Variants in NRXN3 observed in about 807,000 individuals in gnomAD.
NRXN3 encodes the protein neurexin III.
NRXN3 carries 32 observed loss-of-function variants against 137.6 expected under a neutral mutation model. The ratio of observed to expected loss-of-function variants is 0.23; its 90% CI spans 0.18 to 0.31. NRXN3 has a LOEUF of 0.31. NRXN3 is among the 10% of genes least tolerant of loss of function. The probability of loss-of-function intolerance (pLI) is 1.00; values close to 1 mark genes in which losing one functional copy is unlikely to be tolerated. For missense variants in NRXN3, 1,574 were observed against 2,062.5 expected, an observed-to-expected ratio of 0.76 and a Z score of 4.59; for synonymous variants, 798 against 784.5, an observed-to-expected ratio of 1.02 and a Z score of -0.29.
intron 16 of NRXN3, among the ~76,000 whole-genome samples, chr14:79,569,414 G>C (rs774926809): frequency 6.6e-5 from 10 of 152,040 alleles, no homozygotes; most frequent in African/African-American, 9.7e-5. Flanking sequence ...TGCCTCCCCT[G>C]ATTTACTGCA....
chr14:79,090,269 A>G (rs971049397), intron 15 of NRXN3, among the ~76,000 whole-genome samples: 29 of 152,164 alleles, frequency 1.9e-4, no homozygotes, highest in African/African-American at 6.8e-4. Context: ...CATAGGGATT[A>G]TTAAAGTCTC....
intron 4 of NRXN3, among the ~76,000 whole-genome samples, chr14:78,542,134 C>A (rs2096595854): frequency 6.6e-6 from 1 of 152,182 alleles, no homozygotes; most frequent in Non-Finnish European, 1.5e-5. Context: ...GGGTCAGGGA[C>A]CAACTTGAGG....
intron 15 of NRXN3, among the ~76,000 whole-genome samples, chr14:79,125,791 T>C (rs1475313339): frequency 2.0e-5 from 3 of 152,136 alleles, no homozygotes; most frequent in African/African-American, 4.8e-5. Flanking sequence ...TCCTCTTTTT[T>C]TGCTCGTCTT....
chr14:78,898,385 T>G (rs913475752), intron 10 of NRXN3, among the ~76,000 whole-genome samples: 1 of 151,908 alleles, frequency 6.6e-6, no homozygotes, highest in African/African-American at 2.4e-5. Context: ...AACTTACAAC[T>G]CCAGCAATGG....
At position 78,236,963 on chromosome 14, in the gene NRXN3, A is replaced by C. The variant is rs151231918; in HGVS notation, c.-703-5428A>C. On this transcript the variant is annotated intron_variant, in intron 1 of 20. Transcript: ENST00000335750. Reference sequence around the variant, plus strand: ...TAAGATAGATAGTGCTGACTATGTGAGCTTGCCCTAATGGTGTGGTGTCTG... The same window carrying C: ...TAAGATAGATAGTGCTGACTATGTGCGCTTGCCCTAATGGTGTGGTGTCTG... 3.9e-5 allele frequency among the ~76,000 whole-genome samples: 6 copies of C among 152,310 alleles called. No homozygotes were observed. The East Asian group carries it at 1.2e-3, about 29-fold the overall frequency.
chr14:79,239,514 GA>G (rs1317023362), intron 15 of NRXN3, among the ~76,000 whole-genome samples: 1 of 152,068 alleles, frequency 6.6e-6, no homozygotes, highest in Non-Finnish European at 1.5e-5. Flanking sequence ...AAAAAGTAGA[GA>G]AGAGGTAACA....
At chr14:78,256,743 A>G (rs989602103) in intron 2 of NRXN3, among the ~76,000 whole-genome samples, 12 of 152,250 alleles carry the variant, frequency 7.9e-5, no homozygotes, top group Non-Finnish European at 1.3e-4. Flanking sequence ...CAATGCATTG[A>G]TAACTCATAT....
chr14:78,894,612 G>A lies in NRXN3; in HGVS notation c.2276-62630G>A, dbSNP rs143054732. On this transcript the variant is annotated intron_variant, in intron 10 of 20. Transcript: ENST00000335750. ...ATTTCAAACTTCTCCCATGAATCAC[G>A]AATGTTCTTTATGGCATTTACAATG... is the stretch of plus-strand genomic sequence containing the variant. 3.1e-3 allele frequency among the ~76,000 whole-genome samples: 466 copies of A among 151,914 alleles called. 1 individual carries two copies. The highest frequency in any genetic ancestry group is 0.01 in the African/African-American group (423 of 41,460).
At chr14:79,204,825 C>A (rs992067072) in intron 15 of NRXN3, among the ~76,000 whole-genome samples, 2 of 152,146 alleles carry the variant, frequency 1.3e-5, no homozygotes, top group Non-Finnish European at 2.9e-5. Context: ...TTCTAGCTGT[C>A]TCCTTAGAAA....
intron 4 of NRXN3, among the ~76,000 whole-genome samples, chr14:78,580,191 C>A (rs2096979314): frequency 6.6e-6 from 1 of 152,038 alleles, no homozygotes. Flanking sequence ...AGCAAGGGAG[C>A]CATTGGTACT....
At chr14:79,756,468 G>A (rs1466650863) in intron 19 of NRXN3, among the ~76,000 whole-genome samples, 6 of 152,064 alleles carry the variant, frequency 3.9e-5, no homozygotes, top group Non-Finnish European at 7.4e-5. Context: ...AATTGAATAT[G>A]GATATGAAAC....
intron 16 of NRXN3, among the ~76,000 whole-genome samples, chr14:79,486,193 A>G (rs1014644598): frequency 1.3e-5 from 2 of 152,148 alleles, no homozygotes; most frequent in African/African-American, 2.4e-5. Context: ...TAGTAAATTG[A>G]GTAACAGCCT....
chr14:79,401,199 G>T (rs537494416), intron 15 of NRXN3, among the ~76,000 whole-genome samples: 14 of 152,112 alleles, frequency 9.2e-5, no homozygotes, highest in Non-Finnish European at 1.5e-4. Context: ...TTTTGGATTT[G>T]AATGACTTTA....
intron 4 of NRXN3, among the ~76,000 whole-genome samples, chr14:78,423,010 G>C (rs2093512324): frequency 6.6e-6 from 1 of 152,170 alleles, no homozygotes; most frequent in African/African-American, 2.4e-5. Context: ...AAACAAAAAA[G>C]CAAACTATTC....
At chr14:79,343,176 T>C (rs1339755144) in intron 15 of NRXN3, among the ~76,000 whole-genome samples, 1 of 152,170 alleles carries the variant, frequency 6.6e-6, no homozygotes, top group Admixed American at 6.5e-5. Context: ...CACAGTCTTG[T>C]AGCCTCCAGC....
chr14:78,646,126 C>T (rs1195746603), intron 5 of NRXN3, among the ~76,000 whole-genome samples: 1 of 152,126 alleles, frequency 6.6e-6, no homozygotes, highest in Non-Finnish European at 1.5e-5. Context: ...GCAGCCTTTC[C>T]TGGTTCTGTC....
intron 10 of NRXN3, among the ~76,000 whole-genome samples, chr14:78,931,751 G>A (rs1424449000): frequency 6.6e-6 from 1 of 152,164 alleles, no homozygotes; most frequent in Non-Finnish European, 1.5e-5. Context: ...CAGTGCCAAA[G>A]GGGAGAGGAA....
intron 4 of NRXN3, among the ~76,000 whole-genome samples, chr14:78,453,510 A>G (rs1032749968): frequency 2.0e-5 from 3 of 152,238 alleles, no homozygotes; most frequent in African/African-American, 7.2e-5. Flanking sequence ...ATCCAACATA[A>G]GAGAGCATCC....
At chr14:79,541,904 G>A (rs531893998) in intron 16 of NRXN3, among the ~76,000 whole-genome samples, 15 of 152,284 alleles carry the variant, frequency 9.9e-5, no homozygotes, top group South Asian at 6.2e-4. Context: ...ATGAGGAAGC[G>A]TCCAAGAAAG....
Sources: gnomAD v4.1 joint callset for allele counts (sites outside exome capture counted in the v4.1 genomes callset) on GRCh38, gnomAD v4.1.1 for gene constraint, MANE v1.5 for transcripts, NCBI Gene and HGNC (gene_info 2026-07-23, HGNC 2026-07-21) for gene names.